The following SVOPL variants were observed in gnomAD, a reference collection of about 807,000 sequenced individuals.
The protein encoded by SVOPL is putative transporter SVOPL.
A neutral mutation model predicts 61.0 loss-of-function variants in SVOPL; 60 were observed. The ratio of observed to expected loss-of-function variants is 0.98; its 90% CI spans 0.80 to 1.22. The LOEUF (loss-of-function observed/expected upper bound fraction) is 1.22, where lower values mean the gene tolerates loss of function less well. Ranked by LOEUF, SVOPL falls within the 50% of genes most tolerant of loss-of-function variation. The probability of loss-of-function intolerance (pLI) is 0.00; values close to 1 mark genes in which losing one functional copy is unlikely to be tolerated. For synonymous variants in SVOPL, 279 were observed against 250.0 expected (o/e 1.12, Z -1.09); for missense variants, 662 against 643.9 (o/e 1.03, Z -0.30).
At chr7:138,622,021 T>TCTAA (rs1437849530) in intron 13 of SVOPL, among the ~76,000 whole-genome samples, 54 of 105,408 alleles carry the variant, frequency 5.1e-4, no homozygotes, top group East Asian at 8.6e-4. Flanking sequence ...TATCTATGTA[T>TCTAA]CTATCTATCT....
At chr7:138,597,378 C>T (rs993837032) in intron 14 of SVOPL, 1 of 395,874 alleles carries the variant, frequency 2.5e-6, no homozygotes, top group Non-Finnish European at 4.1e-6. Context: ...TCCAAAGTCA[C>T]ATACAGATCC....
intron 1 of SVOPL, among the ~76,000 whole-genome samples, chr7:138,680,882 CTT>C (rs1254143117): frequency 2.0e-5 from 3 of 151,854 alleles, no homozygotes; most frequent in Non-Finnish European, 4.4e-5. Flanking sequence ...CCCGGCCAGA[CTT>C]TTTTTCAGAT....
At chr7:138,685,127 T>A (rs1802778418) in intron 1 of SVOPL, among the ~76,000 whole-genome samples, 1 of 152,028 alleles carries the variant, frequency 6.6e-6, no homozygotes, top group East Asian at 1.9e-4. Context: ...AGACAGGGTT[T>A]CACCATGTTG....
At chr7:138,636,916 G>T (rs1447024570) in intron 9 of SVOPL, among the ~76,000 whole-genome samples, 1 of 151,774 alleles carries the variant, frequency 6.6e-6, no homozygotes, top group Non-Finnish European at 1.5e-5. Flanking sequence ...TTGACCAGGG[G>T]AATTTACCCT....
At chr7:138,622,082 C>G (rs867716739) in intron 13 of SVOPL, among the ~76,000 whole-genome samples, 10 of 92,616 alleles carry the variant, frequency 1.1e-4, no homozygotes, top group East Asian at 2.9e-4. Context: ...ATCTATCTAT[C>G]TATCTATGTA....
At chr7:138,641,892 G>T (rs1800821473) in intron 9 of SVOPL, among the ~76,000 whole-genome samples, 1 of 126,482 alleles carries the variant, frequency 7.9e-6, no homozygotes, top group Non-Finnish European at 1.6e-5. Context: ...TAGTCAATGG[G>T]TATATACAGT....
intron 7 of SVOPL, among the ~76,000 whole-genome samples, chr7:138,655,181 C>A (rs1311452042): frequency 2.0e-5 from 3 of 151,218 alleles, no homozygotes; most frequent in Non-Finnish European, 4.4e-5. Context: ...CAGAGCAAGA[C>A]CCTGTCTCAA....
At chr7:138,667,367 T>A (rs1308252376) in intron 4 of SVOPL, among the ~76,000 whole-genome samples, 1 of 150,840 alleles carries the variant, frequency 6.6e-6, no homozygotes, top group Non-Finnish European at 1.5e-5. Flanking sequence ...AGGTTTTCTA[T>A]CTAAGTCTAG....
intron 3 of SVOPL, among the ~76,000 whole-genome samples, chr7:138,675,341 AC>A (rs1345058391): frequency 2.0e-5 from 3 of 151,904 alleles, no homozygotes; most frequent in African/African-American, 7.3e-5. Flanking sequence ...AGATCACACA[AC>A]CCTTTATTTT....
At chr7:138,631,020 G>A (rs1171548821) in intron 9 of SVOPL, among the ~76,000 whole-genome samples, 1 of 151,554 alleles carries the variant, frequency 6.6e-6, no homozygotes, top group African/African-American at 2.4e-5. Flanking sequence ...TGTAAAGCTG[G>A]GAATGCTTCA....
intron 9 of SVOPL, among the ~76,000 whole-genome samples, chr7:138,639,793 T>G (rs571624404): frequency 7.9e-5 from 12 of 152,214 alleles, no homozygotes; most frequent in African/African-American, 2.9e-4. Context: ...ACTGCAGCCT[T>G]GACATCCTAG....
chr7:138,676,173 G>A (rs544928639), intron 3 of SVOPL, among the ~76,000 whole-genome samples: 108 of 152,274 alleles, frequency 7.1e-4, no homozygotes, highest in African/African-American at 2.5e-3. Context: ...CCTACTAAAG[G>A]AGAAAGCGGG....
chr7:138,605,325 G>A (rs1289457209), intron 14 of SVOPL, among the ~76,000 whole-genome samples: 1 of 151,970 alleles, frequency 6.6e-6, no homozygotes, highest in Non-Finnish European at 1.5e-5. Flanking sequence ...CCAAGGAACA[G>A]AGTCTAGAGA....
intron 5 of SVOPL, chr7:138,662,475 A>G (rs1412084748): frequency 1.0e-6 from 1 of 985,332 alleles, no homozygotes; most frequent in African/African-American, 1.7e-5. Context: ...CTCACTCATG[A>G]CACATAGTCC....
chr7:138,600,445 T>TA (rs1180348973), intron 14 of SVOPL, among the ~76,000 whole-genome samples: 1 of 151,436 alleles, frequency 6.6e-6, no homozygotes, highest in Non-Finnish European at 1.5e-5. Flanking sequence ...CTACAAATAA[T>TA]AAAAAAATTA....
intron 4 of SVOPL, among the ~76,000 whole-genome samples, chr7:138,667,665 AAG>A (rs1459905631): frequency 3.9e-5 from 6 of 152,182 alleles, no homozygotes; most frequent in African/African-American, 9.7e-5. Flanking sequence ...TTTCCTTTAA[AAG>A]AGAGTATAAA....
intron 9 of SVOPL, 88 bp downstream of exon 9, chr7:138,644,629 G>A (rs1800999536): frequency 2.6e-6 from 4 of 1,526,862 alleles, no homozygotes; most frequent in Non-Finnish European, 3.5e-6. Context: ...AGAGAACAAG[G>A]GTCCCCCCTC....
chr7:138,630,225 T>C, intron 9 of SVOPL, 103 bp from the exon 10 acceptor site: 2 of 967,842 alleles, frequency 2.1e-6, no homozygotes, highest in South Asian at 1.4e-5. Context: ...TATTGGAGCA[T>C]GGTGGCCTGC....
intron 14 of SVOPL, among the ~76,000 whole-genome samples, chr7:138,612,834 G>A (rs901976784): frequency 2.6e-5 from 4 of 151,590 alleles, no homozygotes; most frequent in East Asian, 2.0e-4. Flanking sequence ...AATTTTTTAC[G>A]CAGTCAGGTT....
Sources: allele counts gnomAD v4.1 joint callset (sites outside exome capture counted in the v4.1 genomes callset), GRCh38; gene constraint gnomAD v4.1.1; transcripts MANE v1.5; gene names NCBI Gene and HGNC (gene_info 2026-07-23, HGNC 2026-07-21).